The following NR2C1 variants were observed in gnomAD, a reference collection of about 807,000 sequenced individuals.
NR2C1 encodes TR2 nuclear hormone receptor.
Under a neutral mutation model 74.8 loss-of-function variants are expected in NR2C1, and 33 were observed. The observed-to-expected ratio is 0.44, with a 90% confidence interval of 0.33 to 0.59. The LOEUF (loss-of-function observed/expected upper bound fraction) is 0.59, where lower values mean the gene tolerates loss of function less well. Ranked by LOEUF, NR2C1 falls within the 20% of genes least tolerant of loss-of-function variation. The probability of loss-of-function intolerance (pLI) is 0.02; values close to 1 mark genes in which losing one functional copy is unlikely to be tolerated. For synonymous variants in NR2C1, 225 were observed against 240.6 expected, an observed-to-expected ratio of 0.94 and a Z score of 0.60; for missense variants, 568 against 715.6, an observed-to-expected ratio of 0.79 and a Z score of 2.35.
At chr12:95,027,126 C>A (rs1462604225) in intron 12 of NR2C1, among the ~76,000 whole-genome samples, 1 of 152,190 alleles carries the variant, frequency 6.6e-6, no homozygotes, top group Non-Finnish European at 1.5e-5. Context: ...ATGATTAGAG[C>A]TCACTGCAGC....
chr12:95,032,618 T>C (rs2136106325), intron 10 of NR2C1, among the ~76,000 whole-genome samples: 1 of 152,284 alleles, frequency 6.6e-6, no homozygotes, highest in East Asian at 1.9e-4. Flanking sequence ...TGATACAAAA[T>C]GCAGAGACAC....
chr12:95,039,229 A>G (rs1455847182), intron 10 of NR2C1, among the ~76,000 whole-genome samples: 1 of 152,266 alleles, frequency 6.6e-6, no homozygotes, highest in Non-Finnish European at 1.5e-5. Context: ...ATGCTGATTA[A>G]TAAACCAAAT....
intron 1 of NR2C1, among the ~76,000 whole-genome samples, chr12:95,070,082 T>G (rs1286039040): frequency 6.6e-6 from 1 of 152,218 alleles, no homozygotes; most frequent in African/African-American, 2.4e-5. Context: ...CCTGATAAAC[T>G]GGCCTTGAGT....
intron 13 of NR2C1, among the ~76,000 whole-genome samples, chr12:95,023,987 C>A (rs1340776323): frequency 6.6e-6 from 1 of 152,130 alleles, no homozygotes; most frequent in Non-Finnish European, 1.5e-5. Context: ...CAGCAGCCCC[C>A]AGGATTATCT....
chr12:95,037,452 C>G (rs1267444462), intron 10 of NR2C1, among the ~76,000 whole-genome samples: 2 of 152,156 alleles, frequency 1.3e-5, no homozygotes, highest in African/African-American at 2.4e-5. Context: ...AGGTACTAAC[C>G]ATGCACTGTT....
chr12:95,036,952 G>C (rs1397430076), intron 10 of NR2C1, among the ~76,000 whole-genome samples: 1 of 152,196 alleles, frequency 6.6e-6, no homozygotes, highest in Admixed American at 6.5e-5. Context: ...AAAAGTATCA[G>C]TGATAGTCAA....
rs550069594 is a variant in NR2C1 at position 95,053,681 on chromosome 12, G to GTTTTTTTTTTTT, written c.784-1750_784-1739dup. On this transcript the variant is annotated intron_variant, in intron 7 of 13. Transcript: ENST00000333003. Reference sequence around the variant, plus strand: ...TTCTTCATGGTTTTTTCTTTTTGGTGTTTTTTTTTTTTTTTTTTTTTGAGA... The same window carrying GTTTTTTTTTTTT: ...TTCTTCATGGTTTTTTCTTTTTGGTGTTTTTTTTTTTTTTTTTTTTTTTTTTTTTTTTTGAGA... Among the ~76,000 whole-genome samples, 72 of 103,392 alleles carry GTTTTTTTTTTTT rather than the reference G, an allele frequency of 7.0e-4. 2 individuals carry two copies. Among genetic ancestry groups the GTTTTTTTTTTTT allele is most frequent in the African/African-American group, 2.8e-3 (71 of 24,984 alleles). The allele number at this position is 103,392 out of a possible 152,430, so 67.8% of individuals were successfully genotyped here. A position where few individuals can be genotyped will look rare whatever the true frequency, so the allele number is the denominator to read the frequency against.
intron 2 of NR2C1, 143 bp downstream of exon 2, chr12:95,067,172 ATGAATTGTCTGATTAT>A: frequency 1.5e-6 from 1 of 685,102 alleles, no homozygotes; most frequent in East Asian, 2.7e-5. Context: ...ACATTCTACT[ATGAATTGTCTGATTAT>A]TCAACTATCT....
intron 7 of NR2C1, 100 bp from the exon 8 acceptor site, chr12:95,052,043 G>T: frequency 1.4e-6 from 1 of 717,224 alleles, no homozygotes; most frequent in Non-Finnish European, 2.1e-6. Context: ...CAAAAGAACA[G>T]TATGATAAAT....
At chr12:95,066,760 T>C (rs1875763854) in intron 2 of NR2C1, among the ~76,000 whole-genome samples, 1 of 152,210 alleles carries the variant, frequency 6.6e-6, no homozygotes, top group Admixed American at 6.5e-5. Flanking sequence ...TATCATCACA[T>C]GTCACACAGT....
chr12:95,036,272 T>TAA (rs368229386), intron 10 of NR2C1, among the ~76,000 whole-genome samples: 39,947 of 126,968 alleles, frequency 0.31, 7,032 homozygotes, highest in African/African-American at 0.43. Flanking sequence ...ATGTTGAGAT[T>TAA]AAAAAAAAAA....
At chr12:95,029,655 T>A (rs1432629452) in intron 11 of NR2C1, among the ~76,000 whole-genome samples, 1 of 151,594 alleles carries the variant, frequency 6.6e-6, no homozygotes, top group Non-Finnish European at 1.5e-5. Flanking sequence ...CTTCCTGGGT[T>A]CAAGCAATTC....
At chr12:95,042,040 TATTA>T (rs1871606967) in intron 9 of NR2C1, among the ~76,000 whole-genome samples, 1 of 152,170 alleles carries the variant, frequency 6.6e-6, no homozygotes, top group Non-Finnish European at 1.5e-5. Flanking sequence ...AAACAGTATG[TATTA>T]AATAGATGAC....
At chr12:95,023,019 A>C (rs1868946444) in intron 13 of NR2C1, among the ~76,000 whole-genome samples, 1 of 151,902 alleles carries the variant, frequency 6.6e-6, no homozygotes, top group South Asian at 2.1e-4. Context: ...TACATTTAAG[A>C]ATGGCGGCTG....
Position 95,059,863 on chromosome 12 carries a change from T to C in NR2C1, c.364+43A>G, listed in dbSNP as rs759673003. 23 of 1,398,162 alleles carry C rather than the reference T, an allele frequency of 1.6e-5. No homozygotes were observed. The South Asian group carries it at 2.9e-4, about 18-fold the overall frequency. 86.6% of individuals were successfully genotyped at this position (1,398,162 alleles called of 1,614,324 possible). On this transcript the variant is annotated intron_variant, in intron 4 of 13. Coordinates refer to ENST00000333003, the MANE Select transcript of NR2C1 (RefSeq NM_003297.4). ...TCAACAACACGACACATATAGGAGG[T>C]TATTTTTTTTTTCTGTTTTTAGGAG...
At chr12:95,072,963 C>G (rs989708380) in intron 1 of NR2C1, 3 of 152,238 alleles carry the variant, frequency 2.0e-5, no homozygotes, top group Non-Finnish European at 4.4e-5. Context: ...ACGTCTCACT[C>G]GTGCCGGCGT....
intron 11 of NR2C1, 22 bp from the exon 12 acceptor site, chr12:95,028,546 T>C: frequency 7.2e-7 from 1 of 1,394,446 alleles, no homozygotes; most frequent in Non-Finnish European, 1.0e-6. Context: ...AATAAACAAA[T>C]GCTTCTAGTG....
In NR2C1 at chr12:95,057,563, G is replaced by A. The variant is rs776239938; in HGVS notation, c.773C>T (p.Thr258Ile). 6.2e-7 allele frequency: 1 copy of A among 1,609,506 alleles called. No homozygotes were observed. The highest frequency in any genetic ancestry group is 8.5e-7 in the Non-Finnish European group (1 of 1,177,022). Residue 258 changes from threonine to isoleucine, a missense_variant, in exon 7 of 14, where the codon ACA becomes ATA. Around this residue, in one of 6 missense-constraint regions of NR2C1, gnomAD observed 239 missense variants for 232.3 expected, o/e 1.03. Coordinates refer to ENST00000333003, the MANE Select transcript of NR2C1 (RefSeq NM_003297.4). ...TTGTACTAAACACACCTTATCTGATGTCATCAGCACAGCTGACTCAGTTTT... is the reference window on the plus strand; with the variant it reads ...TTGTACTAAACACACCTTATCTGATATCATCAGCACAGCTGACTCAGTTTT... The part of the protein sequence containing the change: ...GVKTESAVLM[T>I]SDKAESCQGD...
chr12:95,057,878 G>A lies in NR2C1; in HGVS notation c.545C>T (p.Ser182Phe), dbSNP rs1874161057. ...AATGGGTTTTCTTTCACATTGGACA[G>A]CTACAAAAATGTGTTAAACTATTAT... ...RCIAFGMKQD[S>F]VQCERKPIEV... is the part of the protein sequence containing the mutation. The change falls in exon 6 of 14, where the codon TCT (serine) becomes TTT (phenylalanine). Residue 182 changes from serine (S) to phenylalanine (F), a missense_variant and splice_region_variant. Transcript: ENST00000333003. The A allele has an allele frequency of 6.2e-7, 1 of 1,610,762 alleles. No homozygotes were observed. Among genetic ancestry groups the A allele is most frequent in the Non-Finnish European group, 8.5e-7 (1 of 1,177,838 alleles).
Sources: allele counts gnomAD v4.1 joint callset (sites outside exome capture counted in the v4.1 genomes callset), GRCh38; gene constraint gnomAD v4.1.1; regional missense constraint gnomAD v4.1.1; transcripts MANE v1.5; gene names NCBI Gene and HGNC (gene_info 2026-07-23, HGNC 2026-07-21).